OPHN1: variants seen among roughly 807,000 people sequenced by gnomAD.
The protein encoded by OPHN1 is oligophrenin-1.
OPHN1 carries 11 observed loss-of-function variants against 60.7 expected under a neutral mutation model. The ratio of observed to expected loss-of-function variants is 0.18; its 90% CI spans 0.11 to 0.30. OPHN1 has a LOEUF of 0.30. OPHN1 is among the 10% of genes least tolerant of loss of function. The pLI is 1.00. For synonymous variants in OPHN1, 226 were observed against 222.6 expected, an observed-to-expected ratio of 1.02 and a Z score of -0.14; for missense variants, 449 against 611.0, an observed-to-expected ratio of 0.73 and a Z score of 2.80.
chrX:68,219,266 C>A (rs12008501), intron 6 of OPHN1, among the ~76,000 whole-genome samples: 9,822 of 75,024 alleles, frequency 0.13, 805 homozygotes, highest in African/African-American at 0.23. Flanking sequence ...ACAGGAGCAC[C>A]AAGATTCATA....
intron 5 of OPHN1, among the ~76,000 whole-genome samples, chrX:68,267,808 G>C (rs934706555): frequency 9.0e-6 from 1 of 111,722 alleles, no homozygotes; most frequent in Non-Finnish European, 1.9e-5. Flanking sequence ...AAGAATAAAA[G>C]AGAGAAGTAT....
rs376289269 is a variant in OPHN1, at chrX:68,168,426, G to A, written c.1276+24493C>T. On this transcript the variant is annotated intron_variant, in intron 15 of 24. Transcript: ENST00000355520. ...CTACTGGGTACATAATGAAATGAAG[G>A]CAGAAATAAAGATGTTCTTTGAAAC... Among the ~76,000 whole-genome samples, 522 of 112,164 alleles carry A rather than the reference G, an allele frequency of 4.7e-3. 2 individuals carry two copies. Among genetic ancestry groups the A allele is most frequent in the African/African-American group, 0.016 (491 of 30,762 alleles).
At chrX:68,336,407 A>G (rs768115127) in intron 2 of OPHN1, 2 of 109,791 alleles carry the variant, frequency 1.8e-5, no homozygotes, top group South Asian at 7.9e-4. Context: ...TTAAAAAATT[A>G]GCTGGGTGTG....
intron 23 of OPHN1, among the ~76,000 whole-genome samples, chrX:68,049,265 C>A (rs917950413): frequency 8.9e-5 from 10 of 111,954 alleles, no homozygotes; most frequent in Non-Finnish European, 1.9e-4. Flanking sequence ...CTACCTAAGT[C>A]TCAAAGTGTC....
intron 2 of OPHN1, among the ~76,000 whole-genome samples, chrX:68,330,832 A>G (rs1369948427): frequency 9.3e-6 from 1 of 107,943 alleles, no homozygotes; most frequent in East Asian, 2.8e-4. Context: ...TATAATATTC[A>G]TAGTATCTAT....
At chrX:68,378,767 G>A (rs2078576424) in intron 2 of OPHN1, among the ~76,000 whole-genome samples, 1 of 110,886 alleles carries the variant, frequency 9.0e-6, no homozygotes, top group African/African-American at 3.3e-5. Context: ...ATTTCTGAGG[G>A]CTCTGTTCTG....
intron 2 of OPHN1, among the ~76,000 whole-genome samples, chrX:68,303,139 C>T (rs2078129061): frequency 9.0e-6 from 1 of 111,649 alleles, no homozygotes; most frequent in Non-Finnish European, 1.9e-5. Flanking sequence ...AATGAACACA[C>T]TACCCAAAAC....
chrX:68,372,590 A>C (rs1384348959), intron 2 of OPHN1, among the ~76,000 whole-genome samples: 1 of 111,129 alleles, frequency 9.0e-6, no homozygotes, highest in East Asian at 2.8e-4. Flanking sequence ...GACTTTCTAA[A>C]CTACGAAGGG....
chrX:68,330,255 T>C (rs1253921801), intron 2 of OPHN1, among the ~76,000 whole-genome samples: 1 of 110,115 alleles, frequency 9.1e-6, no homozygotes, highest in Admixed American at 9.7e-5. Flanking sequence ...CCCACCATCA[T>C]GCCCAGCTAA....
At chrX:68,128,337 G>A (rs1362851067) in intron 15 of OPHN1, among the ~76,000 whole-genome samples, 1 of 111,539 alleles carries the variant, frequency 9.0e-6, no homozygotes, top group Non-Finnish European at 1.9e-5. Flanking sequence ...ATACAAGCAT[G>A]AGCCACCATG....
At chrX:68,079,955 TG>T (rs947812213) in intron 19 of OPHN1, among the ~76,000 whole-genome samples, 2 of 111,509 alleles carry the variant, frequency 1.8e-5, no homozygotes, top group Non-Finnish European at 3.8e-5. Context: ...ACCACTGACT[TG>T]GTTGAGTCTC....
At chrX:68,431,935 C>G (rs1644370400) in intron 2 of OPHN1, among the ~76,000 whole-genome samples, 1 of 111,177 alleles carries the variant, frequency 9.0e-6, no homozygotes, top group Non-Finnish European at 1.9e-5. Context: ...AATTATCACT[C>G]CACCCAATCA....
intron 4 of OPHN1, among the ~76,000 whole-genome samples, chrX:68,281,054 A>T (rs1441029023): frequency 6.2e-5 from 7 of 112,046 alleles, no homozygotes; most frequent in Non-Finnish European, 1.1e-4. Context: ...AATCAAAAAG[A>T]TATCTCTAGG....
At chrX:68,351,873 C>CT (rs58051308) in intron 2 of OPHN1, among the ~76,000 whole-genome samples, 951 of 29,532 alleles carry the variant, frequency 0.032, 37 homozygotes, top group Non-Finnish European at 0.041. Flanking sequence ...ATTTTTTTTT[C>CT]TTTTTTTTTT....
chrX:68,106,104 AAGAG>A (rs35438846), intron 18 of OPHN1, among the ~76,000 whole-genome samples: 3 of 96,406 alleles, frequency 3.1e-5, no homozygotes, highest in East Asian at 7.1e-4. Context: ...AGAGAGAGAG[AAGAG>A]AGAGAGAGAG....
intron 24 of OPHN1, 118 bp downstream of exon 24, chrX:68,048,298 G>T: frequency 1.6e-6 from 1 of 607,660 alleles, no homozygotes; most frequent in Admixed American, 2.6e-5. Context: ...GAACTGAGGC[G>T]TAGAAGTGAG....
intron 15 of OPHN1, among the ~76,000 whole-genome samples, chrX:68,168,454 A>T (rs1394643056): frequency 8.9e-6 from 1 of 112,505 alleles, no homozygotes; most frequent in African/African-American, 3.2e-5. Context: ...TTTGAAACCA[A>T]CGAGAACAAA....
chrX:68,314,994 A>C (rs2078192436), intron 2 of OPHN1, among the ~76,000 whole-genome samples: 1 of 109,120 alleles, frequency 9.2e-6, no homozygotes, highest in Non-Finnish European at 1.9e-5. Flanking sequence ...TCAAAAAAAA[A>C]AAAAAAACAG....
At chrX:68,113,927 C>A (rs1402083727) in intron 16 of OPHN1, among the ~76,000 whole-genome samples, 1 of 103,154 alleles carries the variant, frequency 9.7e-6, no homozygotes, top group African/African-American at 3.6e-5. Flanking sequence ...AACTAACCTG[C>A]ACATTGTGCA....
Sources: allele counts gnomAD v4.1 joint callset (sites outside exome capture counted in the v4.1 genomes callset), GRCh38; gene constraint gnomAD v4.1.1; transcripts MANE v1.5; gene names NCBI Gene and HGNC (gene_info 2026-07-23, HGNC 2026-07-21).